Variants in FRMD5 observed in about 807,000 individuals in gnomAD.
FRMD5 encodes the protein FERM domain containing 5, also known as FERM domain-containing protein 5.
A neutral mutation model predicts 69.0 loss-of-function variants in FRMD5; 20 were observed. That is an observed-to-expected ratio of 0.29 (90% CI 0.20 to 0.42). The LOEUF (loss-of-function observed/expected upper bound fraction) is 0.42. Among genes scored for constraint, FRMD5 ranks in the 10% least tolerant of loss-of-function variants. FRMD5 has a pLI of 1.00. For synonymous variants in FRMD5, 271 were observed against 260.1 expected, an observed-to-expected ratio of 1.04 and a Z score of -0.40; for missense variants, 595 against 708.6, an observed-to-expected ratio of 0.84 and a Z score of 1.82.
At chr15:43,927,772 C>G (rs1318476270) in intron 1 of FRMD5, among the ~76,000 whole-genome samples, 1 of 151,766 alleles carries the variant, frequency 6.6e-6, no homozygotes, top group Non-Finnish European at 1.5e-5. Flanking sequence ...ACAAACACTA[C>G]TACAGTATGA....
chr15:44,005,471 C>CAAAAAAAAA (rs55839205), intron 1 of FRMD5, among the ~76,000 whole-genome samples: 5 of 69,446 alleles, frequency 7.2e-5, no homozygotes, highest in Admixed American at 1.9e-4. Flanking sequence ...AACTCCATCT[C>CAAAAAAAAA]AAAAAAAAAA....
upstream of FRMD5, chr15:44,195,342 G>A (rs552548518): frequency 1.9e-5 from 9 of 467,140 alleles, no homozygotes; most frequent in African/African-American, 1.7e-4. Context: ...GCCAATGGGG[G>A]TCAGCGCGGC....
chr15:44,179,526 G>T (rs1207748644), intron 1 of FRMD5, among the ~76,000 whole-genome samples: 4 of 152,112 alleles, frequency 2.6e-5, no homozygotes, highest in African/African-American at 9.7e-5. Flanking sequence ...GCTGTATTTT[G>T]TGTTCTGCAA....
Position 43,888,848 on chromosome 15 carries a change from A to G in FRMD5, c.753T>C (p.Phe251=). 1 of 1,614,048 alleles carries G rather than the reference A, an allele frequency of 6.2e-7. No individual in the cohort carries two copies. The highest frequency in any genetic ancestry group is 1.1e-5 in the South Asian group (1 of 91,076). ...IKWNEVTKLK[F]EGKTFYLYVS... ...CGTATAAATAGAAAGTCTTTCCTTCAAATTTCAGCTTGGTCACCTCATTCC... is the reference window on the plus strand; with the variant it reads ...CGTATAAATAGAAAGTCTTTCCTTCGAATTTCAGCTTGGTCACCTCATTCC... Residue 251 remains phenylalanine, a synonymous_variant, in exon 9 of 14, where the codon TTT becomes TTC. Coordinates refer to ENST00000417257, the MANE Select transcript of FRMD5 (RefSeq NM_032892.5).
chr15:44,155,900 CCAAA>C (rs950212862), intron 1 of FRMD5, among the ~76,000 whole-genome samples: 14 of 151,674 alleles, frequency 9.2e-5, no homozygotes, highest in Non-Finnish European at 1.8e-4. Flanking sequence ...TGGCTCCTCC[CCAAA>C]CATATTTTTT....
intron 13 of FRMD5, among the ~76,000 whole-genome samples, chr15:43,875,390 A>ATATATATGTATG (rs1385798025): frequency 4.8e-5 from 6 of 124,830 alleles, no homozygotes; most frequent in African/African-American, 2.0e-4. Context: ...ATATATATAT[A>ATATATATGTATG]TATGTATGTA....
chr15:44,072,017 C>G (rs1339939276), intron 1 of FRMD5, among the ~76,000 whole-genome samples: 1 of 152,062 alleles, frequency 6.6e-6, no homozygotes, highest in Non-Finnish European at 1.5e-5. Flanking sequence ...AGGCGCCCAC[C>G]ACCATGCCTG....
At chr15:44,002,270 C>T (rs575365576) in intron 1 of FRMD5, among the ~76,000 whole-genome samples, 3 of 152,160 alleles carry the variant, frequency 2.0e-5, no homozygotes, top group East Asian at 1.9e-4. Flanking sequence ...GAGGCTCATT[C>T]GTCACAGGCC....
At chr15:44,099,114 C>T (rs1033320045) in intron 1 of FRMD5, among the ~76,000 whole-genome samples, 2 of 152,194 alleles carry the variant, frequency 1.3e-5, no homozygotes, top group South Asian at 2.1e-4. Context: ...ATAAACACCT[C>T]CCTCACATCA....
chr15:44,077,179 G>A (rs1304544718), intron 1 of FRMD5, among the ~76,000 whole-genome samples: 1 of 152,014 alleles, frequency 6.6e-6, no homozygotes, highest in Non-Finnish European at 1.5e-5. Context: ...ATACATTTTA[G>A]GAATAAATTG....
chr15:43,951,180 G>T lies in FRMD5; in HGVS notation c.103-26871C>A, dbSNP rs568980093. 3.3e-5 allele frequency among the ~76,000 whole-genome samples: 5 copies of T among 152,158 alleles called. 1 individual carries two copies. The South Asian group carries it at 1.0e-3, about 32-fold the overall frequency. ...TCACACCTATAATCCCAGCACTTTG[G>T]GAGGCCAAGGTGGGCAGATCAGAAG... is the stretch of plus-strand genomic sequence containing the variant. On this transcript the variant is annotated intron_variant, in intron 1 of 13. Coordinates refer to ENST00000417257, the MANE Select transcript of FRMD5 (RefSeq NM_032892.5).
chr15:43,963,099 C>T (rs934750752), intron 1 of FRMD5, among the ~76,000 whole-genome samples: 22 of 152,092 alleles, frequency 1.4e-4, no homozygotes, highest in Non-Finnish European at 2.2e-4. Context: ...CAAAAGAAAC[C>T]ACCATCAGAG....
chr15:43,942,189 T>C (rs575465008), intron 1 of FRMD5, among the ~76,000 whole-genome samples: 1 of 152,200 alleles, frequency 6.6e-6, no homozygotes, highest in Non-Finnish European at 1.5e-5. Flanking sequence ...ATTAGGGGAG[T>C]TGTCCATATG....
intron 1 of FRMD5, among the ~76,000 whole-genome samples, chr15:43,983,919 T>C (rs1360430317): frequency 6.6e-6 from 1 of 152,210 alleles, no homozygotes; most frequent in African/African-American, 2.4e-5. Context: ...AGAAGTCCCT[T>C]GATCTCAGTT....
At chr15:44,101,202 C>G (rs1204925983) in intron 1 of FRMD5, among the ~76,000 whole-genome samples, 1 of 151,258 alleles carries the variant, frequency 6.6e-6, no homozygotes, top group East Asian at 1.9e-4. Context: ...AGGAAATAAA[C>G]TAGTCTTTCC....
chr15:43,998,118 G>A (rs934906258), intron 1 of FRMD5, among the ~76,000 whole-genome samples: 1 of 152,114 alleles, frequency 6.6e-6, no homozygotes, highest in Non-Finnish European at 1.5e-5. Flanking sequence ...TGTCATCAGG[G>A]ATATAACGAT....
chr15:44,134,214 A>G (rs534996351), intron 1 of FRMD5, among the ~76,000 whole-genome samples: 25 of 152,002 alleles, frequency 1.6e-4, no homozygotes, highest in African/African-American at 6.0e-4. Context: ...AGCTCAAACT[A>G]TCCTCCTGCC....
chr15:43,923,524 C>A (rs2140449078), intron 2 of FRMD5, among the ~76,000 whole-genome samples: 1 of 152,204 alleles, frequency 6.6e-6, no homozygotes, highest in Non-Finnish European at 1.5e-5. Flanking sequence ...GGCAGGGGAA[C>A]TCTATAGGTG....
chr15:44,171,178 T>C (rs1317950262), intron 1 of FRMD5, among the ~76,000 whole-genome samples: 1 of 152,248 alleles, frequency 6.6e-6, no homozygotes, highest in Non-Finnish European at 1.5e-5. Context: ...GCACATTTTT[T>C]GCATAATATC....
Sources: allele counts gnomAD v4.1 joint callset (sites outside exome capture counted in the v4.1 genomes callset), GRCh38; gene constraint gnomAD v4.1.1; transcripts MANE v1.5; gene names NCBI Gene and HGNC (gene_info 2026-07-23, HGNC 2026-07-21).